Variants in ZNF195 observed in about 807,000 individuals in gnomAD.
ZNF195 encodes the protein zinc finger protein 195, also known as hypoxia-regulated factor-1.
ZNF195 carries 11 observed loss-of-function variants against 19.5 expected under a neutral mutation model. The ratio of observed to expected loss-of-function variants is 0.57; its 90% confidence interval spans 0.36 to 0.94. The LOEUF (loss-of-function observed/expected upper bound fraction) is 0.94. Among genes scored for constraint, ZNF195 ranks in the 40% least tolerant of loss-of-function variants. The probability of loss-of-function intolerance (pLI) is 0.01; values close to 1 mark genes in which losing one functional copy is unlikely to be tolerated. For missense variants in ZNF195, 582 were observed against 709.0 expected (o/e 0.82, Z 2.03); for synonymous variants, 214 against 248.1 (o/e 0.86, Z 1.29).
rs758170072 is a variant in ZNF195 at position 3,359,441 on chromosome 11, T to G, written c.1567A>C (p.Lys523Gln). The change falls in exon 6 of 6, where the codon AAA becomes CAA. Residue 523 changes from lysine (K) to glutamine (Q), a missense_variant. Around this residue, in one of 3 missense-constraint regions of ZNF195, gnomAD observed 407 missense variants for 530.5 expected, o/e 0.77. Coordinates refer to ENST00000399602, the MANE Select transcript of ZNF195 (RefSeq NM_001130520.3). The surrounding 1 kb of genome is among the most constrained non-coding windows in gnomAD (Gnocchi z 5.5). ...KKTHTGEKPY[K>Q]CDECGKNFTQ... is the part of the protein sequence containing the mutation. ...AAGTTTTTTCCACATTCGTCACATT[T>G]GTAGGGCTTCTCTCCAGTATGGGTT... 6.2e-7 allele frequency: 1 copy of G among 1,614,222 alleles called. No homozygotes were observed.
chr11:3,366,137 G>A (rs1205534857), intron 3 of ZNF195, among the ~76,000 whole-genome samples: 14 of 150,860 alleles, frequency 9.3e-5, no homozygotes, highest in South Asian at 2.1e-4. Context: ...GGTGGCGGGC[G>A]CCTGTAGTCC....
chr11:3,371,252 C>T, intron 2 of ZNF195, 182 bp from the exon 3 acceptor site: 1 of 662,382 alleles, frequency 1.5e-6, no homozygotes, highest in East Asian at 2.8e-5. Flanking sequence ...CTTAGTTTCA[C>T]CACTCAGTAC....
rs547862465 is a variant in ZNF195 at position 3,371,101 on chromosome 11, T to C, written c.131-31A>G. On this transcript the variant is annotated intron_variant, in intron 2 of 5. Coordinates refer to ENST00000399602, the MANE Select transcript of ZNF195 (RefSeq NM_001130520.3). Reference sequence around the variant, plus strand: ...TTATTAGAAAAAAGTGACATTACTCTTGCTGAAATTCTCCAATTATCAACC... The same window carrying C: ...TTATTAGAAAAAAGTGACATTACTCCTGCTGAAATTCTCCAATTATCAACC... 25 of 1,602,402 alleles carry C rather than the reference T, an allele frequency of 1.6e-5. No homozygotes were observed. The East Asian group carries it at 5.6e-4, about 36-fold the overall frequency.
chr11:3,358,492 T>A lies in ZNF195; in HGVS notation c.*626A>T, dbSNP rs972418723. The A allele has an allele frequency of 7.9e-5, 12 of 152,202 alleles. No homozygotes were observed. Among genetic ancestry groups the A allele is most frequent in the African/African-American group, 2.9e-4 (12 of 41,452 alleles). 9.4% of individuals were successfully genotyped at this position (152,202 alleles called of 1,614,324 possible). A position where few individuals can be genotyped will look rare whatever the true frequency, so the allele number is the denominator to read the frequency against. On this transcript the variant is annotated 3_prime_UTR_variant, in exon 6 of 6. Transcript: ENST00000399602. Reference sequence around the variant, plus strand: ...ACCTAAGAGAAAAGAATTTCTCATATCTCTGACGCAGCAACAACTGACCAT... The same window carrying A: ...ACCTAAGAGAAAAGAATTTCTCATAACTCTGACGCAGCAACAACTGACCAT...
At chr11:3,364,830 T>C (rs1203216219) in intron 3 of ZNF195, among the ~76,000 whole-genome samples, 4 of 152,186 alleles carry the variant, frequency 2.6e-5, no homozygotes, top group Non-Finnish European at 5.9e-5. Context: ...CCTTCAGAAA[T>C]TATTTTAAAT....
At position 3,359,032 on chromosome 11, in the gene ZNF195, C is replaced by A. The variant is rs1848502364; in HGVS notation, c.*86G>T. 5.7e-6 allele frequency: 8 copies of A among 1,408,976 alleles called. No homozygotes were observed. The South Asian group carries it at 1.5e-4, about 27-fold the overall frequency. 87.3% of individuals were successfully genotyped at this position (1,408,976 alleles called of 1,614,324 possible). A position where few individuals can be genotyped will look rare whatever the true frequency, so the allele number is the denominator to read the frequency against. On this transcript the variant is annotated 3_prime_UTR_variant, in exon 6 of 6. Transcript: ENST00000399602. This position sits in a 1 kb window ranked among gnomAD's most constrained non-coding sequence, Gnocchi z 5.5. ...TCAATAGTAATTACATTTATGATAA[C>A]TTTATTAAGTCTGAACTCTGATGTA...
At position 3,379,020 on chromosome 11, in the gene ZNF195, C is replaced by T; in HGVS notation, c.3+18G>A. 6.9e-7 allele frequency: 1 copy of T among 1,458,926 alleles called. No homozygotes were observed. Among genetic ancestry groups the T allele is most frequent in the Non-Finnish European group, 9.2e-7 (1 of 1,092,520 alleles). 90.4% of individuals were successfully genotyped at this position (1,458,926 alleles called of 1,614,324 possible). On this transcript the variant is annotated intron_variant, in intron 1 of 5. Coordinates refer to ENST00000399602, the MANE Select transcript of ZNF195 (RefSeq NM_001130520.3). ...CCGCCCCTCCCTGTCTCTCAGGAGG[C>T]CTGGCCCCTACACTCACCATCTCCT...
intron 3 of ZNF195, among the ~76,000 whole-genome samples, chr11:3,367,420 C>T (rs1442207804): frequency 6.6e-6 from 1 of 152,026 alleles, no homozygotes; most frequent in Non-Finnish European, 1.5e-5. Context: ...TCAACTGTGA[C>T]TGTGTAGTCA....
chr11:3,359,857 C>A lies in ZNF195; in HGVS notation c.1151G>T (p.Cys384Phe), dbSNP rs1207961356. 6.2e-7 allele frequency: 1 copy of A among 1,614,004 alleles called. No homozygotes were observed. The highest frequency in any genetic ancestry group is 8.5e-7 in the Non-Finnish European group (1 of 1,180,034). ...MILAGEKLSK[C>F]ETWYKGFNHS... ...GTTAAAACCTTTGTACCATGTTTCACATTTGGAGAGCTTCTCTCCAGCAAG... is the reference window on the plus strand; with the variant it reads ...GTTAAAACCTTTGTACCATGTTTCAAATTTGGAGAGCTTCTCTCCAGCAAG... The change falls in exon 6 of 6, where the codon TGT (cysteine) becomes TTT (phenylalanine). Residue 384 changes from cysteine (C) to phenylalanine (F), a missense_variant. Transcript: ENST00000399602. The surrounding 1 kb of genome is among the most constrained non-coding windows in gnomAD (Gnocchi z 5.5).
intron 1 of ZNF195, chr11:3,377,971 T>C (rs1301547467): frequency 5.2e-6 from 5 of 953,404 alleles, no homozygotes; most frequent in Non-Finnish European, 6.2e-6. Context: ...TTCTCTGCTT[T>C]CCTGTCACGT....
chr11:3,360,568 GAAAAA>G lies in ZNF195; in HGVS notation c.443-8_443-4del. ...TTGGGTAAAATGAGAAGACATAGCT[GAAAAA>G]AAAAAAAAAAGTTATCCGACTTACT... On this transcript the variant is annotated splice_region_variant and splice_polypyrimidine_tract_variant and intron_variant, in intron 5 of 5. Coordinates refer to ENST00000399602, the MANE Select transcript of ZNF195 (RefSeq NM_001130520.3). 7.5e-7 allele frequency: 1 copy of G among 1,324,542 alleles called. No homozygotes were observed. The highest frequency in any genetic ancestry group is 1.0e-6 in the Non-Finnish European group (1 of 1,003,956). The allele number at this position is 1,324,542 out of a possible 1,614,324, so 82.0% of individuals were successfully genotyped here. A position where few individuals can be genotyped will look rare whatever the true frequency, so the allele number is the denominator to read the frequency against.
In ZNF195 at chr11:3,358,886, C is replaced by T. The variant is rs1848497896; in HGVS notation, c.*232G>A. On this transcript the variant is annotated 3_prime_UTR_variant, in exon 6 of 6. Transcript: ENST00000399602. Reference sequence around the variant, plus strand: ...CATTTATGAGATTTGTTGGGTTTCTCTACAAATTTTCTGAAAGTTTAAGCA... The same window carrying T: ...CATTTATGAGATTTGTTGGGTTTCTTTACAAATTTTCTGAAAGTTTAAGCA... 2.2e-6 allele frequency: 1 copy of T among 450,770 alleles called. No individual in the cohort carries two copies. 27.9% of individuals were successfully genotyped at this position (450,770 alleles called of 1,614,324 possible).
chr11:3,361,038 T>C (rs933479877), intron 4 of ZNF195, among the ~76,000 whole-genome samples: 21 of 152,340 alleles, frequency 1.4e-4, no homozygotes, highest in African/African-American at 5.1e-4. Flanking sequence ...AGGCTGGGTC[T>C]GCTGAGACCG....
chr11:3,371,191 T>A lies in ZNF195; in HGVS notation c.131-121A>T, dbSNP rs1322924240. ...TAGAAAATTAATCCCAAAATTATGC[T>A]TCCTGACATCACCTTTAGAATATTC... On this transcript the variant is annotated intron_variant, in intron 2 of 5. Coordinates refer to ENST00000399602, the MANE Select transcript of ZNF195 (RefSeq NM_001130520.3). 18 of 917,246 alleles carry A rather than the reference T, an allele frequency of 2.0e-5. No homozygotes were observed. The East Asian group carries it at 3.9e-4, about 20-fold the overall frequency. 56.8% of individuals were successfully genotyped at this position (917,246 alleles called of 1,614,324 possible).
chr11:3,366,539 T>C (rs1045956191), intron 3 of ZNF195, among the ~76,000 whole-genome samples: 2 of 152,084 alleles, frequency 1.3e-5, no homozygotes, highest in Non-Finnish European at 2.9e-5. Flanking sequence ...AAGGACTAAC[T>C]GAAATCTCTC....
At chr11:3,373,855 C>G (rs1393304655) in intron 1 of ZNF195, among the ~76,000 whole-genome samples, 1 of 152,248 alleles carries the variant, frequency 6.6e-6, no homozygotes, top group Non-Finnish European at 1.5e-5. Flanking sequence ...GGTTCCCTCT[C>G]CTGCTAAACA....
In ZNF195 at chr11:3,359,083, G is replaced by T. The variant is rs369261399; in HGVS notation, c.*35C>A. ...AAGTGGGATGCGAGCAGATACTAACGGCTTTGCCTATTTTTATATTTGTTT... is the reference window on the plus strand; with the variant it reads ...AAGTGGGATGCGAGCAGATACTAACTGCTTTGCCTATTTTTATATTTGTTT... On this transcript the variant is annotated 3_prime_UTR_variant, in exon 6 of 6. Coordinates refer to ENST00000399602, the MANE Select transcript of ZNF195 (RefSeq NM_001130520.3). This position sits in a 1 kb window ranked among gnomAD's most constrained non-coding sequence, Gnocchi z 5.5. 57 of 1,510,420 alleles carry T rather than the reference G, an allele frequency of 3.8e-5. No homozygotes were observed. In the African/African-American group the frequency reaches 7.3e-4, roughly 19 times the overall value. 93.6% of individuals were successfully genotyped at this position (1,510,420 alleles called of 1,614,324 possible).
chr11:3,368,853 G>C (rs1264583698), intron 3 of ZNF195: 3 of 455,414 alleles, frequency 6.6e-6, no homozygotes, highest in South Asian at 3.1e-5. Context: ...TCAACACTTG[G>C]TCCTGGAGAA....
intron 3 of ZNF195, chr11:3,367,200 T>A: frequency 4.3e-6 from 1 of 231,328 alleles, no homozygotes; most frequent in Non-Finnish European, 9.0e-6. Context: ...CACACCCATG[T>A]TTACTGTACC....
Sources: allele counts gnomAD v4.1 joint callset (sites outside exome capture counted in the v4.1 genomes callset), GRCh38; gene constraint gnomAD v4.1.1; regional missense constraint gnomAD v4.1.1; non-coding constraint Gnocchi (gnomAD v3.1); transcripts MANE v1.5; gene names NCBI Gene and HGNC (gene_info 2026-07-23, HGNC 2026-07-21).